PRH1: variants seen among roughly 807,000 people sequenced by gnomAD.
PRH1 encodes salivary acidic proline-rich phosphoprotein 1/2.
PRH1 carries 7 observed loss-of-function variants against 7.9 expected under a neutral mutation model. The ratio of observed to expected loss-of-function variants is 0.89; its 90% CI spans 0.50 to 1.67. PRH1 has a LOEUF of 1.67. Among genes scored for constraint, PRH1 ranks in the 40% most tolerant of loss-of-function variants. The probability of loss-of-function intolerance (pLI) is 0.00; values close to 1 mark genes in which losing one functional copy is unlikely to be tolerated. For synonymous variants in PRH1, 45 were observed against 80.8 expected (o/e 0.56, Z 2.38); for missense variants, 109 against 223.6 (o/e 0.49, Z 3.27).
At chr12:10,910,400 C>A (rs1949879822) in intron 2 of PRH1, among the ~76,000 whole-genome samples, 1 of 152,060 alleles carries the variant, frequency 6.6e-6, no homozygotes, top group Admixed American at 6.6e-5. Context: ...GGCGGGAGGA[C>A]CGCTCGAGCC....
At chr12:10,970,814 G>C (rs1565510015) in intron 2 of PRH1, among the ~76,000 whole-genome samples, 3 of 151,772 alleles carry the variant, frequency 2.0e-5, no homozygotes, top group Admixed American at 2.0e-4. Flanking sequence ...TGATCCACCC[G>C]CTCAGCCACC....
chr12:10,914,163 AG>A (rs1229329048), intron 2 of PRH1, among the ~76,000 whole-genome samples: 1 of 152,210 alleles, frequency 6.6e-6, no homozygotes, highest in African/African-American at 2.4e-5. Context: ...GTTATGTGGG[AG>A]GTAAATCACA....
chr12:11,133,197 A>G, intron 1 of PRH1: 1 of 1,490,122 alleles, frequency 6.7e-7, no homozygotes, highest in South Asian at 1.4e-5. Context: ...TTTTCTAGGT[A>G]TACATGTGGA....
chr12:10,998,600 C>A (rs1306286084), intron 1 of PRH1, among the ~76,000 whole-genome samples: 1 of 152,120 alleles, frequency 6.6e-6, no homozygotes, highest in Non-Finnish European at 1.5e-5. Context: ...TAACTTATGA[C>A]ATGGAAAATG....
intron 1 of PRH1, among the ~76,000 whole-genome samples, chr12:11,026,970 T>C (rs979752837): frequency 1.3e-4 from 20 of 152,236 alleles, no homozygotes; most frequent in Non-Finnish European, 1.5e-4. Context: ...TTTAATATAT[T>C]AATAATATTA....
intron 2 of PRH1, among the ~76,000 whole-genome samples, chr12:10,968,975 T>C (rs2135947000): frequency 6.6e-6 from 1 of 152,350 alleles, no homozygotes; most frequent in East Asian, 1.9e-4. Context: ...AGAGGTTCAG[T>C]GTAACAACTT....
chr12:11,073,864 C>A (rs1444708202), intron 1 of PRH1, among the ~76,000 whole-genome samples: 1 of 152,126 alleles, frequency 6.6e-6, no homozygotes, highest in African/African-American at 2.4e-5. Context: ...TACTGCAGAA[C>A]TATTCCCTCT....
chr12:11,047,123 T>A, exon 1 of PRH1: 1 of 455,300 alleles, frequency 2.2e-6, no homozygotes, highest in African/African-American at 2.0e-5. Flanking sequence ...GAACTTCCAA[T>A]GTTTAAAAAG....
At chr12:10,928,576 A>G (rs1296854905) in intron 2 of PRH1, among the ~76,000 whole-genome samples, 1 of 152,166 alleles carries the variant, frequency 6.6e-6, no homozygotes, top group Non-Finnish European at 1.5e-5. Context: ...GCTTTCCTGT[A>G]TTGTACAGCA....
At chr12:10,974,769 C>T (rs184473563) in intron 1 of PRH1, among the ~76,000 whole-genome samples, 119 of 152,278 alleles carry the variant, frequency 7.8e-4, no homozygotes, top group Non-Finnish European at 1.4e-3. Context: ...CACACTAGTT[C>T]AGCAGCAATG....
At chr12:10,964,454 C>T (rs545807732) in intron 2 of PRH1, 3 of 247,310 alleles carry the variant, frequency 1.2e-5, no homozygotes, top group African/African-American at 6.8e-5. Flanking sequence ...TTTTACTCAG[C>T]ACTTAATCTG....
intron 1 of PRH1, among the ~76,000 whole-genome samples, chr12:11,132,140 G>C (rs1320365077): frequency 1.3e-5 from 2 of 152,152 alleles, no homozygotes; most frequent in Non-Finnish European, 2.9e-5. Flanking sequence ...CTGTAAACAA[G>C]ACTGTACATT....
chr12:10,971,710 C>T lies in PRH1; in HGVS notation c.-59+1945G>A, dbSNP rs184751625. The stretch of plus-strand genomic sequence containing the variant: ...GAGCAGTGTTTGAAAATTCTCATTA[C>T]TTCTTGTTCTTTTCAAAATGAGTAA... On this transcript the variant is annotated intron_variant, in intron 2 of 3. Transcript: ENST00000539853. Among the ~76,000 whole-genome samples, 647 of 152,122 alleles carry T rather than the reference C, an allele frequency of 4.3e-3. 7 individuals carry two copies. In the Middle Eastern group the frequency reaches 0.051, roughly 12 times the overall value.
chr12:10,883,234 A>G, intron 1 of PRH1, 138 bp from the exon 2 acceptor site: 1 of 995,200 alleles, frequency 1.0e-6, no homozygotes, highest in Non-Finnish European at 1.5e-6. Flanking sequence ...CTCTGATGCT[A>G]CTGGAAGTGG....
intron 1 of PRH1, among the ~76,000 whole-genome samples, chr12:10,983,454 C>CA (rs1199498781): frequency 6.6e-6 from 1 of 152,168 alleles, no homozygotes; most frequent in East Asian, 1.9e-4. Flanking sequence ...TTTTCTTGGT[C>CA]AGCACCTTGC....
At chr12:11,015,564 A>G (rs1305325334) in intron 1 of PRH1, among the ~76,000 whole-genome samples, 3 of 152,120 alleles carry the variant, frequency 2.0e-5, no homozygotes, top group Non-Finnish European at 4.4e-5. Flanking sequence ...GGCCACTCCA[A>G]CAGAGCCTGA....
At chr12:11,007,298 C>T (rs1206818646) in intron 1 of PRH1, among the ~76,000 whole-genome samples, 2 of 151,932 alleles carry the variant, frequency 1.3e-5, no homozygotes, top group African/African-American at 2.4e-5. Flanking sequence ...CTCATAAACA[C>T]AAAAACACAC....
At chr12:11,113,191 T>G (rs1362561022) in intron 1 of PRH1, among the ~76,000 whole-genome samples, 1 of 151,480 alleles carries the variant, frequency 6.6e-6, no homozygotes, top group Non-Finnish European at 1.5e-5. Context: ...ATTGACTTTC[T>G]TCAAAGAATT....
intron 2 of PRH1, among the ~76,000 whole-genome samples, chr12:10,944,256 G>A (rs1950449886): frequency 6.6e-6 from 1 of 152,020 alleles, no homozygotes; most frequent in African/African-American, 2.4e-5. Context: ...ATCTTTTTGG[G>A]AAGTTTTTTT....
Sources: gnomAD v4.1 joint callset for allele counts (sites outside exome capture counted in the v4.1 genomes callset) on GRCh38, gnomAD v4.1.1 for gene constraint, MANE v1.5 for transcripts, NCBI Gene and HGNC (gene_info 2026-07-23, HGNC 2026-07-21) for gene names.